The following PTPRK variants were observed in gnomAD, a reference collection of about 807,000 sequenced individuals.
The protein encoded by PTPRK is receptor-type tyrosine-protein phosphatase kappa.
A neutral mutation model predicts 178.0 loss-of-function variants in PTPRK; 75 were observed. The observed-to-expected ratio is 0.42, with a 90% CI of 0.35 to 0.51. The LOEUF is 0.51. PTPRK is among the 20% of genes least tolerant of loss of function. The pLI is 0.02. For synonymous variants in PTPRK, 637 were observed against 620.6 expected (o/e 1.03, Z -0.39); for missense variants, 1,441 against 1,797.8 (o/e 0.80, Z 3.59).
chr6:128,376,791 T>G (rs887563007), intron 2 of PTPRK, among the ~76,000 whole-genome samples: 1 of 152,146 alleles, frequency 6.6e-6, no homozygotes, highest in Admixed American at 6.5e-5. Flanking sequence ...CCAGATAACC[T>G]AAATCACCTC....
intron 3 of PTPRK, among the ~76,000 whole-genome samples, chr6:128,253,511 A>G (rs369930082): frequency 4.5e-4 from 69 of 152,310 alleles, no homozygotes; most frequent in African/African-American, 1.6e-3. Context: ...TGACTGGTGA[A>G]GGTTTCTACT....
At chr6:128,294,952 A>G (rs1824043592) in intron 3 of PTPRK, among the ~76,000 whole-genome samples, 3 of 152,090 alleles carry the variant, frequency 2.0e-5, no homozygotes, top group South Asian at 4.1e-4. Context: ...AAGAGTAATT[A>G]AGAAAGACAT....
chr6:128,468,181 C>T (rs924196883), intron 1 of PTPRK, among the ~76,000 whole-genome samples: 1 of 152,142 alleles, frequency 6.6e-6, no homozygotes, highest in South Asian at 2.1e-4. Flanking sequence ...TTAGAGAAAT[C>T]TTAGTTGATG....
intron 12 of PTPRK, among the ~76,000 whole-genome samples, chr6:128,065,728 T>C (rs761188507): frequency 6.6e-6 from 1 of 152,194 alleles, no homozygotes; most frequent in Non-Finnish European, 1.5e-5. Flanking sequence ...GAATTAGTAA[T>C]TAAAAATAAA....
chr6:128,093,999 T>A (rs981402542), intron 7 of PTPRK, among the ~76,000 whole-genome samples: 4 of 152,164 alleles, frequency 2.6e-5, no homozygotes, highest in Non-Finnish European at 5.9e-5. Context: ...TAGGTCTCAA[T>A]GGATAGAAGC....
intron 1 of PTPRK, among the ~76,000 whole-genome samples, chr6:128,518,152 G>A (rs1414015942): frequency 6.6e-6 from 1 of 152,160 alleles, no homozygotes; most frequent in Non-Finnish European, 1.5e-5. Context: ...TTCCTAAAGG[G>A]CAAAATCTTG....
intron 1 of PTPRK, among the ~76,000 whole-genome samples, chr6:128,456,490 T>C (rs1284035376): frequency 6.6e-6 from 1 of 151,986 alleles, no homozygotes; most frequent in Non-Finnish European, 1.5e-5. Flanking sequence ...AAATACTAGA[T>C]ACTCTTTAAT....
chr6:128,131,786 CTG>C (rs1289976837), intron 7 of PTPRK, among the ~76,000 whole-genome samples: 3 of 152,158 alleles, frequency 2.0e-5, no homozygotes, highest in African/African-American at 7.2e-5. Flanking sequence ...TGTTTTTTCA[CTG>C]TGTTTATTTA....
At chr6:128,468,333 A>C (rs1253532273) in intron 1 of PTPRK, among the ~76,000 whole-genome samples, 1 of 152,124 alleles carries the variant, frequency 6.6e-6, no homozygotes, top group East Asian at 1.9e-4. Context: ...TCTTAGACCA[A>C]ATTTCAGTCT....
chr6:128,083,876 A>G, intron 8 of PTPRK, 52 bp from the exon 9 acceptor site: 1 of 979,276 alleles, frequency 1.0e-6, no homozygotes, highest in Non-Finnish European at 1.5e-6. Flanking sequence ...TAGAAACAGA[A>G]AAAGTAAATC....
intron 12 of PTPRK, 160 bp downstream of exon 12, chr6:128,067,359 T>C: frequency 1.5e-6 from 1 of 685,696 alleles, no homozygotes; most frequent in Non-Finnish European, 2.1e-6. Flanking sequence ...TCAGCCCTAC[T>C]GTAGCCCCAA....
rs567609278 is a variant in PTPRK, at chr6:128,048,460, TG to T, written c.2194+16297del. Among the ~76,000 whole-genome samples the T allele has an allele frequency of 2.2e-3, 335 of 152,322 alleles. 3 individuals are homozygous for T. The highest frequency in any genetic ancestry group is 7.4e-3 in the African/African-American group (309 of 41,578). On this transcript the variant is annotated intron_variant, in intron 13 of 29. Coordinates refer to ENST00000368226, the MANE Select transcript of PTPRK (RefSeq NM_002844.4). ...CTGCCTCTAATGCTCCTGCCCTACA[TG>T]GGTGATGCCCTCATTCCCTTCAGGT...
At chr6:128,063,141 C>T (rs763535103) in intron 13 of PTPRK, among the ~76,000 whole-genome samples, 3 of 152,120 alleles carry the variant, frequency 2.0e-5, no homozygotes, top group Non-Finnish European at 4.4e-5. Context: ...CTTTCTCTTA[C>T]TCACTACACC....
At chr6:128,213,741 T>A (rs1808683806) in intron 6 of PTPRK, among the ~76,000 whole-genome samples, 1 of 152,106 alleles carries the variant, frequency 6.6e-6, no homozygotes, top group African/African-American at 2.4e-5. Context: ...ACCTTGCTTC[T>A]TATATAAAAA....
chr6:128,516,112 T>C (rs1227188428), intron 1 of PTPRK, among the ~76,000 whole-genome samples: 1 of 152,192 alleles, frequency 6.6e-6, no homozygotes, highest in African/African-American at 2.4e-5. Context: ...CTAAAATATA[T>C]TTGGCAAAAA....
intron 6 of PTPRK, among the ~76,000 whole-genome samples, chr6:128,198,254 G>T (rs1324971543): frequency 6.6e-6 from 1 of 152,174 alleles, no homozygotes; most frequent in East Asian, 1.9e-4. Flanking sequence ...TGAGAAAGAT[G>T]CAAACTTCCT....
intron 1 of PTPRK, among the ~76,000 whole-genome samples, chr6:128,514,370 A>G (rs930868826): frequency 1.3e-5 from 2 of 148,378 alleles, no homozygotes; most frequent in African/African-American, 4.9e-5. Flanking sequence ...CATTGTTAAG[A>G]TGTGTGTGTG....
intron 5 of PTPRK, chr6:128,231,961 C>T (rs1420634515): frequency 1.3e-5 from 2 of 152,206 alleles, no homozygotes; most frequent in Non-Finnish European, 2.9e-5. Flanking sequence ...CATGGATCTT[C>T]CAATGCCAAT....
intron 10 of PTPRK, among the ~76,000 whole-genome samples, chr6:128,081,352 C>T (rs1480040820): frequency 6.6e-6 from 1 of 151,874 alleles, no homozygotes; most frequent in African/African-American, 2.4e-5. Flanking sequence ...ATCAAATGCT[C>T]TTCCAAGGAA....
Sources: allele counts gnomAD v4.1 joint callset (sites outside exome capture counted in the v4.1 genomes callset), GRCh38; gene constraint gnomAD v4.1.1; transcripts MANE v1.5; gene names NCBI Gene and HGNC (gene_info 2026-07-23, HGNC 2026-07-21).